The following CHN2 variants were observed in gnomAD, a reference collection of about 807,000 sequenced individuals.
The protein encoded by CHN2 is chimerin 2.
A neutral mutation model predicts 56.3 loss-of-function variants in CHN2; 35 were observed. That is an observed-to-expected ratio of 0.62 (90% CI 0.47 to 0.82). The LOEUF (loss-of-function observed/expected upper bound fraction) is 0.82, where lower values mean the gene tolerates loss of function less well. Among genes scored for constraint, CHN2 ranks in the 40% least tolerant of loss-of-function variants. The pLI is 0.00. For missense variants in CHN2, 491 were observed against 580.5 expected (o/e 0.85, Z 1.58); for synonymous variants, 210 against 212.8 (o/e 0.99, Z 0.12).
rs1474446171 is a variant in CHN2 at position 29,410,059 on chromosome 7, TGG to T, written c.576+9236_576+9237del. 2.6e-5 allele frequency among the ~76,000 whole-genome samples: 4 copies of T among 152,180 alleles called. No individual in the cohort carries two copies. In the East Asian group the frequency reaches 7.7e-4, roughly 29 times the overall value. ...CTTCCCAGTGGCTCTCACTAGGCGG[TGG>T]GGGGACAACAGGCTGAGTCTATATG... On this transcript the variant is annotated intron_variant, in intron 6 of 12. Coordinates refer to ENST00000222792, the MANE Select transcript of CHN2 (RefSeq NM_004067.4).
chr7:29,251,413 C>T (rs568485727), intron 1 of CHN2, among the ~76,000 whole-genome samples: 12 of 151,596 alleles, frequency 7.9e-5, no homozygotes, highest in South Asian at 4.2e-4. Flanking sequence ...GTGATCATGC[C>T]GCTGCATTTC....
At chr7:29,428,538 A>T (rs989602659) in intron 6 of CHN2, among the ~76,000 whole-genome samples, 2 of 152,052 alleles carry the variant, frequency 1.3e-5, no homozygotes, top group Non-Finnish European at 2.9e-5. Context: ...TCCTTTTCCA[A>T]CTGTGTCTCT....
intron 1 of CHN2, among the ~76,000 whole-genome samples, chr7:29,333,208 G>T (rs3793289): frequency 0.3 from 44,932 of 151,932 alleles, 7,119 homozygotes; most frequent in East Asian, 0.36. Context: ...GCAGCAATGG[G>T]AACAGGGGAG....
chr7:29,364,666 T>C (rs1799005814), intron 2 of CHN2, among the ~76,000 whole-genome samples: 1 of 152,248 alleles, frequency 6.6e-6, no homozygotes, highest in African/African-American at 2.4e-5. Flanking sequence ...GCCAGAGGAA[T>C]GTCTACAACT....
intron 2 of CHN2, among the ~76,000 whole-genome samples, chr7:29,188,858 A>C (rs994425446): frequency 3.9e-4 from 60 of 152,146 alleles, no homozygotes; most frequent in African/African-American, 1.3e-3. Flanking sequence ...TATTTTAAAA[A>C]TTTGTCCCAG....
intron 1 of CHN2, among the ~76,000 whole-genome samples, chr7:29,263,694 G>T (rs991821294): frequency 6.6e-6 from 1 of 151,642 alleles, no homozygotes; most frequent in Non-Finnish European, 1.5e-5. Flanking sequence ...CGTCTAGGAA[G>T]TGAGGAGTGT....
chr7:29,406,944 G>A (rs1802702058), intron 6 of CHN2, among the ~76,000 whole-genome samples: 1 of 152,154 alleles, frequency 6.6e-6, no homozygotes, highest in Non-Finnish European at 1.5e-5. Flanking sequence ...AAATGGATGG[G>A]TGACTTTTAA....
intron 1 of CHN2, among the ~76,000 whole-genome samples, chr7:29,260,645 T>C (rs564344802): frequency 7.1e-4 from 108 of 152,250 alleles, no homozygotes; most frequent in African/African-American, 2.4e-3. Flanking sequence ...TCCTTATGGG[T>C]CAGCTATTTT....
intron 12 of CHN2, among the ~76,000 whole-genome samples, chr7:29,511,646 C>CTAATCCTAATGAGTTATAAGGAAATAGA (rs1791426475): frequency 2.6e-5 from 4 of 151,986 alleles, no homozygotes; most frequent in Admixed American, 2.0e-4. Context: ...TACTCAATGG[C>CTAATCCTAATGAGTTATAAGGAAATAGA]TAATCCTAAT....
At chr7:29,467,037 T>C (rs931830937) in intron 6 of CHN2, among the ~76,000 whole-genome samples, 1 of 152,224 alleles carries the variant, frequency 6.6e-6, no homozygotes, top group Non-Finnish European at 1.5e-5. Context: ...CTACATTTTT[T>C]TATGAAGCAT....
intron 1 of CHN2, among the ~76,000 whole-genome samples, chr7:29,284,318 C>T (rs1463577633): frequency 6.6e-6 from 1 of 152,138 alleles, no homozygotes; most frequent in East Asian, 1.9e-4. Flanking sequence ...TGGTCTCAAA[C>T]TCCTAACCTC....
In CHN2 at chr7:29,373,624, T is replaced by A. The variant is rs553218442; in HGVS notation, c.144+5637T>A. 6.6e-5 allele frequency among the ~76,000 whole-genome samples: 10 copies of A among 152,350 alleles called. No individual in the cohort carries two copies. The East Asian group carries it at 1.9e-3, about 29-fold the overall frequency. On this transcript the variant is annotated intron_variant, in intron 3 of 12. Transcript: ENST00000222792. ...TTTGGTGTTCTAAATATCTACTGAT[T>A]TTACTCTTTTCTATCTTTATTTCTA... is the stretch of plus-strand genomic sequence containing the variant.
intron 1 of CHN2, among the ~76,000 whole-genome samples, chr7:29,296,945 G>C (rs1411211998): frequency 1.3e-5 from 2 of 152,116 alleles, no homozygotes; most frequent in African/African-American, 4.8e-5. Flanking sequence ...TTGGGAGCTG[G>C]GCAGGTCCAG....
At chr7:29,246,283 C>T (rs1248252249) in intron 1 of CHN2, among the ~76,000 whole-genome samples, 2 of 152,170 alleles carry the variant, frequency 1.3e-5, no homozygotes, top group African/African-American at 2.4e-5. Flanking sequence ...TTGTCTCTTT[C>T]CTGGTCCTGC....
At chr7:29,181,401 C>T (rs921610854) in intron 2 of CHN2, 13 of 152,110 alleles carry the variant, frequency 8.5e-5, no homozygotes, top group African/African-American at 2.4e-4. Context: ...GTTCAACTTA[C>T]AGCAATCAAG....
intron 1 of CHN2, among the ~76,000 whole-genome samples, chr7:29,255,946 C>G (rs1789041767): frequency 6.6e-6 from 1 of 152,174 alleles, no homozygotes; most frequent in Non-Finnish European, 1.5e-5. Context: ...GTTACCAAGC[C>G]TCTTACTGGA....
At chr7:29,312,554 T>A (rs1447879798) in intron 1 of CHN2, among the ~76,000 whole-genome samples, 2 of 152,184 alleles carry the variant, frequency 1.3e-5, no homozygotes, top group African/African-American at 2.4e-5. Flanking sequence ...TCGATGTGGT[T>A]TCTGATTTAT....
At chr7:29,168,919 G>A (rs115970206) in intron 2 of CHN2, among the ~76,000 whole-genome samples, 217 of 152,000 alleles carry the variant, frequency 1.4e-3, no homozygotes, top group African/African-American at 5.1e-3. Flanking sequence ...ATTTCTATTC[G>A]CCATGTTTTA....
chr7:29,348,795 CATT>C (rs1448574804), intron 1 of CHN2, among the ~76,000 whole-genome samples: 3 of 152,098 alleles, frequency 2.0e-5, no homozygotes, highest in African/African-American at 4.8e-5. Flanking sequence ...ATTTATTTCT[CATT>C]ATTTTTAATT....
Sources: gnomAD v4.1 joint callset for allele counts (sites outside exome capture counted in the v4.1 genomes callset) on GRCh38, gnomAD v4.1.1 for gene constraint, MANE v1.5 for transcripts, NCBI Gene and HGNC (gene_info 2026-07-23, HGNC 2026-07-21) for gene names.